The following GUCA1C variants were observed in gnomAD, a reference collection of about 807,000 sequenced individuals.
The protein encoded by GUCA1C is guanylyl cyclase-activating protein 3.
A neutral mutation model predicts 16.2 loss-of-function variants in GUCA1C; 15 were observed. That is an observed-to-expected ratio of 0.93 (90% CI 0.62 to 1.43). The LOEUF (loss-of-function observed/expected upper bound fraction) is 1.43. GUCA1C is among the 40% of genes most tolerant of loss of function. The pLI is 0.00. For missense variants in GUCA1C, 275 were observed against 244.8 expected (o/e 1.12, Z -0.82); for synonymous variants, 78 against 85.4 (o/e 0.91, Z 0.48).
At chr3:108,924,208 G>A (rs1437305123) in intron 1 of GUCA1C, among the ~76,000 whole-genome samples, 1 of 152,102 alleles carries the variant, frequency 6.6e-6, no homozygotes, top group Non-Finnish European at 1.5e-5. Flanking sequence ...TGGTGAAAGT[G>A]GGCATCTTGT....
intron 3 of GUCA1C, among the ~76,000 whole-genome samples, chr3:108,914,437 CTT>C (rs1172124324): frequency 1.3e-5 from 2 of 152,198 alleles, no homozygotes; most frequent in African/African-American, 4.8e-5. Context: ...CTAATAGAAT[CTT>C]AGTGTTTTCC....
rs1402686996 is a variant in GUCA1C at position 108,920,467 on chromosome 3, A to G, written c.323T>C (p.Ile108Thr). The G allele has an allele frequency of 2.5e-6, 4 of 1,609,046 alleles. No homozygotes were observed. Among genetic ancestry groups the G allele is most frequent in the Non-Finnish European group, 3.4e-6 (4 of 1,175,872 alleles). ...KLYDADGNGS[I>T]DKNELLDMFM... is the part of the protein sequence containing the mutation. The stretch of plus-strand genomic sequence containing the variant: ...CATGTCCAGTAGTTCATTTTTGTCA[A>G]TAGAACCATTTCCATCAGCATCATA... Residue 108 changes from isoleucine (I) to threonine (T), a missense_variant, in exon 2 of 4, where the codon ATT (isoleucine) becomes ACT (threonine). Transcript: ENST00000261047.
At chr3:108,932,332 A>AC (rs1559845181) in intron 1 of GUCA1C, among the ~76,000 whole-genome samples, 1 of 114,786 alleles carries the variant, frequency 8.7e-6, no homozygotes, top group Non-Finnish European at 1.8e-5. Context: ...CCAAAAAAAA[A>AC]AAAAAAACAA....
intron 1 of GUCA1C, among the ~76,000 whole-genome samples, chr3:108,945,320 C>G (rs1350135769): frequency 6.6e-6 from 1 of 152,230 alleles, no homozygotes; most frequent in Non-Finnish European, 1.5e-5. Flanking sequence ...TTTGCGTTGG[C>G]AGTGGTAGTT....
rs564355796 is a variant in GUCA1C, at chr3:108,925,312, T to G, written c.205-4727A>C. 7.9e-5 allele frequency among the ~76,000 whole-genome samples: 12 copies of G among 152,330 alleles called. No individual in the cohort carries two copies. The South Asian group carries it at 2.3e-3, about 29-fold the overall frequency. Reference sequence around the variant, plus strand: ...TTTTGCTGTATCACAGAGGTTTTGATAGCTTGTGTCACTATTATCATTCAG... The same window carrying G: ...TTTTGCTGTATCACAGAGGTTTTGAGAGCTTGTGTCACTATTATCATTCAG... On this transcript the variant is annotated intron_variant, in intron 1 of 3. Transcript: ENST00000261047.
chr3:108,917,568 T>C (rs928516056), intron 2 of GUCA1C, among the ~76,000 whole-genome samples: 5 of 152,050 alleles, frequency 3.3e-5, no homozygotes, highest in Admixed American at 1.3e-4. Context: ...GAGTACTCCC[T>C]ATGTGGGAGC....
intron 1 of GUCA1C, among the ~76,000 whole-genome samples, chr3:108,946,091 C>G (rs992762942): frequency 6.6e-6 from 1 of 152,188 alleles, no homozygotes; most frequent in Non-Finnish European, 1.5e-5. Flanking sequence ...ACCAGATTCC[C>G]TTAACTGTAG....
chr3:108,928,089 C>T (rs984652634), intron 1 of GUCA1C, among the ~76,000 whole-genome samples: 1 of 152,190 alleles, frequency 6.6e-6, no homozygotes, highest in Admixed American at 6.5e-5. Flanking sequence ...GTCGTGGATA[C>T]CACCACAGTT....
rs539236016 is a variant in GUCA1C at position 108,926,944 on chromosome 3, T to C, written c.205-6359A>G. Among the ~76,000 whole-genome samples, 4 of 152,314 alleles carry C rather than the reference T, an allele frequency of 2.6e-5. No individual in the cohort carries two copies. In the South Asian group the frequency reaches 8.3e-4, roughly 32 times the overall value. ...GCTTGGTACTGGAGAATTCTCTCAG[T>C]ATTTGTTTGTCTGTAAATGACTGTA... is the stretch of plus-strand genomic sequence containing the variant. On this transcript the variant is annotated intron_variant, in intron 1 of 3. Transcript: ENST00000261047.
intron 3 of GUCA1C, among the ~76,000 whole-genome samples, chr3:108,911,328 C>G (rs1349257313): frequency 6.6e-6 from 1 of 152,096 alleles, no homozygotes; most frequent in Admixed American, 6.5e-5. Context: ...ACTGTGCATG[C>G]CTACATTAGC....
intron 3 of GUCA1C, among the ~76,000 whole-genome samples, chr3:108,912,309 G>C (rs571725542): frequency 6.6e-6 from 1 of 151,914 alleles, no homozygotes; most frequent in African/African-American, 2.4e-5. Context: ...TGCCTAAATA[G>C]AGCATGGTAG....
At chr3:108,941,106 C>G (rs1946782073) in intron 1 of GUCA1C, among the ~76,000 whole-genome samples, 1 of 152,128 alleles carries the variant, frequency 6.6e-6, no homozygotes, top group African/African-American at 2.4e-5. Flanking sequence ...TACATTAAAG[C>G]TAAGATGTGG....
At chr3:108,917,394 T>C (rs1392628244) in intron 2 of GUCA1C, among the ~76,000 whole-genome samples, 4 of 152,184 alleles carry the variant, frequency 2.6e-5, no homozygotes, top group African/African-American at 9.7e-5. Context: ...ACTGAGGGGA[T>C]AATATTTTTG....
chr3:108,916,714 C>A (rs1946521614), intron 2 of GUCA1C, among the ~76,000 whole-genome samples: 1 of 152,134 alleles, frequency 6.6e-6, no homozygotes, highest in African/African-American at 2.4e-5. Flanking sequence ...GATATATACA[C>A]CTTAGAAGGG....
intron 1 of GUCA1C, among the ~76,000 whole-genome samples, chr3:108,939,580 G>A (rs1946764581): frequency 6.6e-6 from 1 of 151,574 alleles, no homozygotes; most frequent in African/African-American, 2.4e-5. Context: ...ACCAGCCTCA[G>A]CCTCCCAAAG....
At chr3:108,934,808 C>CTTTTTTTTTTTTTTTTTT (rs71629371) in intron 1 of GUCA1C, among the ~76,000 whole-genome samples, 6 of 86,108 alleles carry the variant, frequency 7.0e-5, no homozygotes, top group African/African-American at 1.4e-4. Flanking sequence ...TGTTCTTGAT[C>CTTTTTTTTTTTTTTTTTT]TTTTTTTTTT....
intron 2 of GUCA1C, among the ~76,000 whole-genome samples, chr3:108,919,603 C>T (rs7633094): frequency 0.35 from 52,543 of 151,916 alleles, 9,290 homozygotes; most frequent in African/African-American, 0.39. Context: ...TTTAGCTTTA[C>T]ATTTTTATCT....
chr3:108,910,929 C>T (rs1280109735), intron 3 of GUCA1C, among the ~76,000 whole-genome samples: 2 of 152,070 alleles, frequency 1.3e-5, no homozygotes, highest in Non-Finnish European at 2.9e-5. Context: ...GGATTACAGG[C>T]GTGAGCCACC....
intron 3 of GUCA1C, among the ~76,000 whole-genome samples, chr3:108,911,744 G>T (rs146181665): frequency 2.6e-5 from 4 of 152,232 alleles, no homozygotes; most frequent in African/African-American, 9.6e-5. Context: ...GGTCTTTCTT[G>T]TTAGTTAATC....
Sources: allele counts gnomAD v4.1 joint callset (sites outside exome capture counted in the v4.1 genomes callset), GRCh38; gene constraint gnomAD v4.1.1; transcripts MANE v1.5; gene names NCBI Gene and HGNC (gene_info 2026-07-23, HGNC 2026-07-21).